The following WWC1 variants were observed in gnomAD, a reference collection of about 807,000 sequenced individuals.
WWC1 encodes the protein WW and C2 domain containing 1, also known as protein KIBRA.
Under a neutral mutation model 138.4 loss-of-function variants are expected in WWC1, and 55 were observed. The observed-to-expected ratio is 0.40, with a 90% CI of 0.32 to 0.50. WWC1 has a LOEUF of 0.50. Ranked by LOEUF, WWC1 falls within the 20% of genes least tolerant of loss-of-function variation. WWC1 has a pLI of 0.72. For synonymous variants in WWC1, 524 were observed against 564.9 expected (o/e 0.93, Z 1.03); for missense variants, 1,226 against 1,420.4 (o/e 0.86, Z 2.20).
chr5:168,362,692 TAGC>T (rs1486556452), intron 1 of WWC1, among the ~76,000 whole-genome samples: 1 of 152,188 alleles, frequency 6.6e-6, no homozygotes, highest in Non-Finnish European at 1.5e-5. Flanking sequence ...CAGAGGGGAT[TAGC>T]AGCCTGGATT....
intron 1 of WWC1, among the ~76,000 whole-genome samples, chr5:168,299,450 T>G (rs1291085546): frequency 6.6e-6 from 1 of 152,008 alleles, no homozygotes; most frequent in African/African-American, 2.4e-5. Flanking sequence ...GAGAGAGAGA[T>G]GGAGGCAGAG....
chr5:168,404,887 C>CTTT (rs34102475), intron 5 of WWC1, among the ~76,000 whole-genome samples: 1 of 140,686 alleles, frequency 7.1e-6, no homozygotes, highest in Non-Finnish European at 1.5e-5. Flanking sequence ...TGTCAGGACA[C>CTTT]TTTTTTTTTT....
chr5:168,402,938 A>G (rs1444380127), intron 5 of WWC1, among the ~76,000 whole-genome samples: 2 of 151,932 alleles, frequency 1.3e-5, no homozygotes, highest in Non-Finnish European at 2.9e-5. Context: ...TTCCAGGATA[A>G]CTTTGACCAC....
At chr5:168,324,641 C>T (rs1346496097) in intron 1 of WWC1, among the ~76,000 whole-genome samples, 1 of 151,296 alleles carries the variant, frequency 6.6e-6, no homozygotes, top group African/African-American at 2.4e-5. Context: ...AAACAAGAAA[C>T]AGGTAAGACA....
chr5:168,369,895 ATTTTTTTTTTT>A (rs35999257), intron 1 of WWC1, among the ~76,000 whole-genome samples: 1 of 89,010 alleles, frequency 1.1e-5, no homozygotes, highest in Non-Finnish European at 2.1e-5. Flanking sequence ...TCATTGTGCA[ATTTTTTTTTTT>A]TTTTTTTTTT....
At chr5:168,403,006 T>TTTTC (rs72242963) in intron 5 of WWC1, among the ~76,000 whole-genome samples, 7,985 of 104,284 alleles carry the variant, frequency 0.077, 457 homozygotes, top group Admixed American at 0.09. Flanking sequence ...TGTTGTTTCT[T>TTTTC]TTTCTTTCTT....
chr5:168,457,893 G>T (rs1756473935), intron 19 of WWC1, among the ~76,000 whole-genome samples: 1 of 152,246 alleles, frequency 6.6e-6, no homozygotes, highest in African/African-American at 2.4e-5. Context: ...ATGAAGGAGA[G>T]AAAGAGTGGC....
chr5:168,453,453 G>C (rs762216176), intron 17 of WWC1, among the ~76,000 whole-genome samples: 1 of 152,160 alleles, frequency 6.6e-6, no homozygotes, highest in Non-Finnish European at 1.5e-5. Context: ...GTGGGGAATG[G>C]AATGTTCTAC....
intron 1 of WWC1, among the ~76,000 whole-genome samples, chr5:168,366,114 T>G (rs11134506): frequency 6.6e-6 from 1 of 152,000 alleles, no homozygotes; most frequent in Non-Finnish European, 1.5e-5. Context: ...CCACAGTTCC[T>G]GGGGGACGGG....
At position 168,418,424 on chromosome 5, in the gene WWC1, A is replaced by T. The variant is rs59416302; in HGVS notation, c.1185-3584A>T. ...TTCTTACATTTTTAACCAGCACCCA[A>T]GGTGCTGAAATACAGCTTGTGGGGA... On this transcript the variant is annotated intron_variant, in intron 9 of 22. Coordinates refer to ENST00000265293, the MANE Select transcript of WWC1 (RefSeq NM_015238.3). Among the ~76,000 whole-genome samples the T allele has an allele frequency of 6.9e-3, 1,046 of 152,228 alleles. 14 individuals are homozygous for T. Among genetic ancestry groups the T allele is most frequent in the African/African-American group, 0.024 (1,004 of 41,552 alleles).
intron 5 of WWC1, among the ~76,000 whole-genome samples, chr5:168,403,011 TTTC>T (rs1779438785): frequency 6.7e-5 from 3 of 44,770 alleles, no homozygotes; most frequent in Non-Finnish European, 1.0e-4. Context: ...TTTCTTTTTC[TTTC>T]TTTCTTTCTT....
chr5:168,470,724 C>T lies in WWC1; in HGVS notation c.*1707C>T, dbSNP rs572325145. ...TGGCGCATACCTGTAATCCCAGCTA[C>T]TTGGGTGGCCAAGGCTTGAACCCAG... On this transcript the variant is annotated 3_prime_UTR_variant, in exon 23 of 23. Coordinates refer to ENST00000265293, the MANE Select transcript of WWC1 (RefSeq NM_015238.3). The T allele has an allele frequency of 6.6e-6, 1 of 152,240 alleles. No homozygotes were observed. Among genetic ancestry groups the T allele is most frequent in the Admixed American group, 6.5e-5 (1 of 15,280 alleles). 9.4% of individuals were successfully genotyped at this position (152,240 alleles called of 1,614,324 possible). A position where few individuals can be genotyped will look rare whatever the true frequency, so the allele number is the denominator to read the frequency against.
chr5:168,354,223 G>A (rs1289749216), intron 1 of WWC1, among the ~76,000 whole-genome samples: 1 of 151,970 alleles, frequency 6.6e-6, no homozygotes, highest in African/African-American at 2.4e-5. Context: ...GCTGTTTTTT[G>A]TATTTTTAGT....
rs145055215 is a variant in WWC1, at chr5:168,457,508, G to A, written c.2823+1988G>A. ...TAGCATTCCACTTCCTGCCTGTACC[G>A]GTCAGGGTTTTTCATTGCAAGCAAT... On this transcript the variant is annotated intron_variant, in intron 19 of 22. Coordinates refer to ENST00000265293, the MANE Select transcript of WWC1 (RefSeq NM_015238.3). 1.5e-4 allele frequency among the ~76,000 whole-genome samples: 23 copies of A among 152,222 alleles called. No homozygotes were observed. The East Asian group carries it at 2.3e-3, about 15-fold the overall frequency.
chr5:168,357,448 C>CTCTGTG (rs1215026552), intron 1 of WWC1, among the ~76,000 whole-genome samples: 40 of 134,526 alleles, frequency 3.0e-4, no homozygotes, highest in Non-Finnish European at 7.8e-5. Context: ...AACCTGCCTT[C>CTCTGTG]TGTGTGTGTG....
intron 1 of WWC1, among the ~76,000 whole-genome samples, chr5:168,368,683 C>T (rs1381966628): frequency 1.3e-5 from 2 of 152,144 alleles, no homozygotes; most frequent in Non-Finnish European, 2.9e-5. Context: ...CTTCAGAGCC[C>T]CTTTCAAGGC....
intron 5 of WWC1, among the ~76,000 whole-genome samples, chr5:168,401,574 C>T (rs553991974): frequency 2.9e-4 from 44 of 152,328 alleles, no homozygotes; most frequent in Non-Finnish European, 5.4e-4. Context: ...CACAAGTCCC[C>T]ACCGCCTGGG....
chr5:168,438,360 T>G (rs1280909494), intron 15 of WWC1, among the ~76,000 whole-genome samples: 1 of 152,094 alleles, frequency 6.6e-6, no homozygotes, highest in African/African-American at 2.4e-5. Flanking sequence ...TCTCATGAGA[T>G]CTGATGGTTA....
At position 168,454,113 on chromosome 5, in the gene WWC1, G is replaced by T. The variant is rs753300725; in HGVS notation, c.2658+13G>T. The T allele has an allele frequency of 1.1e-5, 17 of 1,609,290 alleles. No individual in the cohort carries two copies. Among genetic ancestry groups the T allele is most frequent in the Admixed American group, 5.1e-5 (3 of 58,780 alleles). Reference sequence around the variant, plus strand: ...CCCAGCATTAAAGGTAGGAAGGGCTGGGGGGATAGAAGGGCTGTCGTGGGG... The same window carrying T: ...CCCAGCATTAAAGGTAGGAAGGGCTTGGGGGATAGAAGGGCTGTCGTGGGG... On this transcript the variant is annotated intron_variant, in intron 18 of 22. Coordinates refer to ENST00000265293, the MANE Select transcript of WWC1 (RefSeq NM_015238.3).
Sources: allele counts gnomAD v4.1 joint callset (sites outside exome capture counted in the v4.1 genomes callset), GRCh38; gene constraint gnomAD v4.1.1; transcripts MANE v1.5; gene names NCBI Gene and HGNC (gene_info 2026-07-23, HGNC 2026-07-21).